Variants in PDE4D observed in about 807,000 individuals in gnomAD.
The protein encoded by PDE4D is 3',5'-cyclic-AMP phosphodiesterase 4D.
A neutral mutation model predicts 87.4 loss-of-function variants in PDE4D; 24 were observed. The observed-to-expected ratio is 0.27, with a 90% CI of 0.20 to 0.39. The LOEUF is 0.39. Among genes scored for constraint, PDE4D ranks in the 10% least tolerant of loss-of-function variants. PDE4D has a pLI of 1.00. For missense variants in PDE4D, 714 were observed against 1,041.0 expected (o/e 0.69, Z 4.32); for synonymous variants, 384 against 383.2 (o/e 1.00, Z -0.02).
intron 1 of PDE4D, among the ~76,000 whole-genome samples, chr5:59,383,113 C>T (rs769808148): frequency 1.8e-4 from 27 of 152,168 alleles, no homozygotes; most frequent in Non-Finnish European, 2.8e-4. Flanking sequence ...AAATATTAAT[C>T]ATCTTCTAGA....
intron 5 of PDE4D, among the ~76,000 whole-genome samples, chr5:59,077,699 A>G (rs1282950309): frequency 6.6e-6 from 1 of 152,096 alleles, no homozygotes; most frequent in Non-Finnish European, 1.5e-5. Context: ...AACACATCTT[A>G]GGACTACCAT....
intron 1 of PDE4D, chr5:60,431,237 G>T (rs532474949): frequency 1.2e-4 from 22 of 190,374 alleles, no homozygotes; most frequent in Middle Eastern, 4.5e-3. Flanking sequence ...CTTCCCAGAC[G>T]GGGTGGCTGC....
chr5:59,413,273 C>G (rs970856195), intron 1 of PDE4D, among the ~76,000 whole-genome samples: 2 of 151,654 alleles, frequency 1.3e-5, no homozygotes, highest in Non-Finnish European at 2.9e-5. Context: ...CTGGCTAACA[C>G]GGTGAAACCC....
At chr5:59,537,893 T>G (rs904962186) in intron 1 of PDE4D, among the ~76,000 whole-genome samples, 1 of 152,198 alleles carries the variant, frequency 6.6e-6, no homozygotes, top group Admixed American at 6.5e-5. Context: ...ATCTACTCAT[T>G]TTTAGTGTTG....
intron 6 of PDE4D, among the ~76,000 whole-genome samples, chr5:59,011,077 G>T (rs1408540100): frequency 6.6e-6 from 1 of 152,178 alleles, no homozygotes; most frequent in Non-Finnish European, 1.5e-5. Flanking sequence ...ACAGCTGAGG[G>T]TCCTGACTGT....
chr5:60,131,909 C>T (rs1003412342), intron 2 of PDE4D, among the ~76,000 whole-genome samples: 16 of 152,136 alleles, frequency 1.1e-4, no homozygotes, highest in African/African-American at 3.9e-4. Flanking sequence ...GTTATTAGGG[C>T]TTCTTCTTGG....
At chr5:59,319,180 G>T (rs1293313560) in intron 1 of PDE4D, among the ~76,000 whole-genome samples, 1 of 151,742 alleles carries the variant, frequency 6.6e-6, no homozygotes, top group Non-Finnish European at 1.5e-5. Context: ...GTGTGTGTGT[G>T]TGTGTGTGTG....
chr5:60,439,860 T>A (rs368494742), intron 1 of PDE4D, among the ~76,000 whole-genome samples: 9 of 151,138 alleles, frequency 6.0e-5, no homozygotes, highest in African/African-American at 2.2e-4. Flanking sequence ...ATTTTAAAAG[T>A]AAAGTATTAT....
chr5:59,404,065 C>T (rs1034608354), intron 1 of PDE4D, among the ~76,000 whole-genome samples: 1 of 152,232 alleles, frequency 6.6e-6, no homozygotes, highest in African/African-American at 2.4e-5. Flanking sequence ...TGACATTGCA[C>T]ACCTTTTCAT....
intron 5 of PDE4D, among the ~76,000 whole-genome samples, chr5:59,087,305 G>A (rs913980289): frequency 6.6e-6 from 1 of 151,908 alleles, no homozygotes; most frequent in Admixed American, 6.6e-5. Context: ...GAAAACATAG[G>A]GAGACCTTGT....
chr5:60,150,582 A>T (rs543462874), intron 2 of PDE4D, among the ~76,000 whole-genome samples: 16 of 152,198 alleles, frequency 1.1e-4, no homozygotes. Context: ...AAAAAAAAAT[A>T]CTTTCGCATG....
chr5:59,649,029 C>A (rs1035899031), intron 1 of PDE4D, among the ~76,000 whole-genome samples: 8 of 152,112 alleles, frequency 5.3e-5, no homozygotes, highest in Non-Finnish European at 1.2e-4. Context: ...TAGGAAATCC[C>A]TGTCAGTACT....
At chr5:59,154,291 A>T (rs190417654) in intron 5 of PDE4D, among the ~76,000 whole-genome samples, 2 of 152,348 alleles carry the variant, frequency 1.3e-5, no homozygotes, top group Admixed American at 1.3e-4. Flanking sequence ...ATAGTAAGAA[A>T]TACATTTTCA....
At chr5:60,433,180 A>G (rs750288496) in intron 1 of PDE4D, among the ~76,000 whole-genome samples, 11 of 152,228 alleles carry the variant, frequency 7.2e-5, no homozygotes, top group Non-Finnish European at 1.6e-4. Flanking sequence ...CAAATTGTGC[A>G]TCTGGCAAAG....
At chr5:60,147,090 C>T (rs1436263444) in intron 2 of PDE4D, among the ~76,000 whole-genome samples, 2 of 152,138 alleles carry the variant, frequency 1.3e-5, no homozygotes, top group Admixed American at 1.3e-4. Flanking sequence ...GCAAAACTAA[C>T]AGCTGTAAAG....
intron 1 of PDE4D, among the ~76,000 whole-genome samples, chr5:60,328,814 T>G (rs186650966): frequency 6.6e-6 from 1 of 152,192 alleles, no homozygotes; most frequent in Non-Finnish European, 1.5e-5. Flanking sequence ...TAACAGCAGA[T>G]GCAAAAAGCG....
At chr5:59,874,227 T>C (rs748640632) in intron 1 of PDE4D, among the ~76,000 whole-genome samples, 11 of 152,082 alleles carry the variant, frequency 7.2e-5, no homozygotes, top group Admixed American at 6.6e-4. Context: ...AGATTTAGAG[T>C]TGGTGAGTCC....
intron 1 of PDE4D, among the ~76,000 whole-genome samples, chr5:59,217,533 T>C (rs1751529025): frequency 6.6e-6 from 1 of 152,138 alleles, no homozygotes. Flanking sequence ...TGTAAATATG[T>C]TTTTCCAACT....
Position 59,930,188 on chromosome 5 carries a change from C to T in PDE4D, c.272+58300G>A, listed in dbSNP as rs897067858. On this transcript the variant is annotated intron_variant, in intron 3 of 16. Coordinates refer to the PDE4D transcript ENST00000502484. ...CAAAAAAAAAAAAAAAAAAAAAAAC[C>T]GGCCCCATAACATATATGTCCATCT... Among the ~76,000 whole-genome samples the T allele has an allele frequency of 2.8e-5, 4 of 144,180 alleles. No individual in the cohort carries two copies. The East Asian group carries it at 8.1e-4, about 29-fold the overall frequency. 94.6% of individuals were successfully genotyped at this position (144,180 alleles called of 152,430 possible). A position where few individuals can be genotyped will look rare whatever the true frequency, so the allele number is the denominator to read the frequency against.
Sources: allele counts gnomAD v4.1 joint callset (sites outside exome capture counted in the v4.1 genomes callset), GRCh38; gene constraint gnomAD v4.1.1; transcripts MANE v1.5; gene names NCBI Gene and HGNC (gene_info 2026-07-23, HGNC 2026-07-21).